The following CLIC2 variants were observed in gnomAD, a reference collection of about 807,000 sequenced individuals.
The protein encoded by CLIC2 is chloride intracellular channel protein 2.
Under a neutral mutation model 14.8 loss-of-function variants are expected in CLIC2, and 9 were observed. The observed-to-expected ratio is 0.61, with a 90% CI of 0.37 to 1.06. The LOEUF (loss-of-function observed/expected upper bound fraction) is 1.06, where lower values mean the gene tolerates loss of function less well. CLIC2 is among the 50% of genes least tolerant of loss of function. The pLI is 0.01. For missense variants in CLIC2, 148 were observed against 181.4 expected, an observed-to-expected ratio of 0.82 and a Z score of 1.06; for synonymous variants, 61 against 66.3, an observed-to-expected ratio of 0.92 and a Z score of 0.39.
rs781859095 is a variant in CLIC2 at position 155,294,469 on chromosome X, C to T, written c.293+4316G>A. Reference sequence around the variant, plus strand: ...AAAAAGTAGGAAAATGACAAATTAACAATCTAATAATGTATGTGAAGCTGC... The same window carrying T: ...AAAAAGTAGGAAAATGACAAATTAATAATCTAATAATGTATGTGAAGCTGC... On this transcript the variant is annotated intron_variant, in intron 3 of 5. Transcript: ENST00000369449. 9.0e-5 allele frequency among the ~76,000 whole-genome samples: 10 copies of T among 111,723 alleles called. No individual in the cohort carries two copies. The South Asian group carries it at 3.7e-3, about 41-fold the overall frequency.
intron 1 of CLIC2, among the ~76,000 whole-genome samples, chrX:155,317,693 C>T (rs1407271480): frequency 8.9e-6 from 1 of 111,809 alleles, no homozygotes; most frequent in Admixed American, 9.5e-5. Flanking sequence ...AGGAAATTAT[C>T]TCTAAATCAT....
intron 1 of CLIC2, among the ~76,000 whole-genome samples, chrX:155,303,562 A>C (rs1557319479): frequency 2.6e-5 from 2 of 76,243 alleles, no homozygotes; most frequent in Non-Finnish European, 5.1e-5. Flanking sequence ...TTTTAATTGG[A>C]GCATTTAGTC....
At chrX:155,318,655 T>C (rs1274286476) in intron 1 of CLIC2, among the ~76,000 whole-genome samples, 2 of 111,835 alleles carry the variant, frequency 1.8e-5, no homozygotes, top group African/African-American at 3.3e-5. Flanking sequence ...AATCTACAAA[T>C]TCAATGCAAT....
At chrX:155,298,688 C>A (rs1033024813) in intron 3 of CLIC2, 97 bp downstream of exon 3, 6 of 1,031,849 alleles carry the variant, frequency 5.8e-6, no homozygotes, top group Non-Finnish European at 8.1e-6. Flanking sequence ...GCCCAGAAAT[C>A]CAAAAGTACT....
chrX:155,331,228 G>A (rs782546035), intron 1 of CLIC2, among the ~76,000 whole-genome samples: 34 of 111,175 alleles, frequency 3.1e-4, no homozygotes, highest in Non-Finnish European at 5.9e-4. Flanking sequence ...ACAGCAGGAA[G>A]GGTGGATCGC....
At chrX:155,288,972 C>T (rs1434618195) in intron 3 of CLIC2, among the ~76,000 whole-genome samples, 8 of 110,251 alleles carry the variant, frequency 7.3e-5, no homozygotes, top group African/African-American at 2.6e-4. Context: ...TGGAGAAACC[C>T]CGTCTCTACT....
intron 3 of CLIC2, chrX:155,290,632 C>A: frequency 2.1e-6 from 2 of 933,731 alleles, no homozygotes; most frequent in Non-Finnish European, 3.1e-6. Context: ...ACTATGGACT[C>A]TAAATAGTCT....
chrX:155,279,752 T>C (rs980442114), intron 4 of CLIC2, among the ~76,000 whole-genome samples: 4 of 111,779 alleles, frequency 3.6e-5, no homozygotes, highest in Non-Finnish European at 7.5e-5. Flanking sequence ...AATATTCTAA[T>C]TGAGCTATGG....
At chrX:155,321,571 A>G (rs1557321640) in intron 1 of CLIC2, among the ~76,000 whole-genome samples, 1 of 113,192 alleles carries the variant, frequency 8.8e-6, no homozygotes, top group African/African-American at 3.2e-5. Flanking sequence ...GAAGCACTAA[A>G]CATGGAAAGA....
chrX:155,285,374 C>A (rs2074938084), intron 3 of CLIC2, among the ~76,000 whole-genome samples: 1 of 111,405 alleles, frequency 9.0e-6, no homozygotes, highest in Non-Finnish European at 1.9e-5. Flanking sequence ...TATTTGACTG[C>A]CTGACCATTA....
intron 1 of CLIC2, among the ~76,000 whole-genome samples, chrX:155,311,800 G>A (rs1371086790): frequency 1.8e-5 from 2 of 111,743 alleles, no homozygotes; most frequent in Non-Finnish European, 3.8e-5. Flanking sequence ...GAAGGTGAAA[G>A]GCACATCTCA....
At chrX:155,334,199 T>G (rs782024408) in intron 1 of CLIC2, among the ~76,000 whole-genome samples, 172 bp downstream of exon 1, 2 of 111,739 alleles carry the variant, frequency 1.8e-5, no homozygotes, top group East Asian at 5.6e-4. Context: ...TTTCCTGTTG[T>G]CATCTAAGAA....
chrX:155,298,794 G>T lies in CLIC2; in HGVS notation c.284C>A (p.Ala95Asp), dbSNP rs781838316. ...CTTGTAAATGCTGTACCTTGGAGGAGCCAGGGTTTGTTCTAAAAACTCCTC... is the reference window on the plus strand; with the variant it reads ...CTTGTAAATGCTGTACCTTGGAGGATCCAGGGTTTGTTCTAAAAACTCCTC... ...KIEEFLEQTLAPPRYPHLSPK... is the reference protein window; with the variant it reads ...KIEEFLEQTLDPPRYPHLSPK... The change falls in exon 3 of 6, where the codon GCT (alanine) becomes GAT (aspartate). Residue 95 changes from alanine (A) to aspartate (D), a missense_variant. Coordinates refer to ENST00000369449, the MANE Select transcript of CLIC2 (RefSeq NM_001289.6). 2.5e-6 allele frequency: 3 copies of T among 1,209,967 alleles called. No homozygotes were observed. The Admixed American group carries it at 6.5e-5, about 26-fold the overall frequency.
intron 1 of CLIC2, among the ~76,000 whole-genome samples, chrX:155,334,091 T>C (rs2075166089): frequency 9.0e-6 from 1 of 111,316 alleles, no homozygotes; most frequent in Admixed American, 9.6e-5. Flanking sequence ...TTTCTAAGGT[T>C]ATATAGGAAG....
chrX:155,308,907 C>T (rs1412585610), intron 1 of CLIC2, among the ~76,000 whole-genome samples: 5 of 111,213 alleles, frequency 4.5e-5, no homozygotes, highest in Non-Finnish European at 9.4e-5. Flanking sequence ...ACAAGAAATG[C>T]TAAAGGGAGT....
intron 1 of CLIC2, among the ~76,000 whole-genome samples, chrX:155,311,132 A>G (rs782620784): frequency 1.8e-5 from 2 of 112,255 alleles, no homozygotes; most frequent in East Asian, 5.6e-4. Flanking sequence ...GCTCCTTGTT[A>G]CTTATGCAAA....
intron 1 of CLIC2, among the ~76,000 whole-genome samples, chrX:155,327,147 A>G (rs1376849848): frequency 1.8e-5 from 2 of 111,714 alleles, no homozygotes; most frequent in African/African-American, 6.5e-5. Context: ...CTATCTCAAC[A>G]TAACAACGCC....
At chrX:155,303,261 C>T (rs1367295358) in intron 1 of CLIC2, among the ~76,000 whole-genome samples, 1 of 41,009 alleles carries the variant, frequency 2.4e-5, no homozygotes. Context: ...AATCTTGGTG[C>T]TCCTGTATTG....
intron 3 of CLIC2, chrX:155,293,007 G>A (rs2074979986): frequency 1.2e-5 from 9 of 768,423 alleles, no homozygotes; most frequent in Admixed American, 8.8e-5. Context: ...CACCAGATGA[G>A]CTGTGGTATC....
Sources: allele counts gnomAD v4.1 joint callset (sites outside exome capture counted in the v4.1 genomes callset), GRCh38; gene constraint gnomAD v4.1.1; transcripts MANE v1.5; gene names NCBI Gene and HGNC (gene_info 2026-07-23, HGNC 2026-07-21).